Variants in WDR33 observed in about 807,000 individuals in gnomAD.
WDR33 encodes WD repeat domain 33.
WDR33 carries 47 observed loss-of-function variants against 164.9 expected under a neutral mutation model. That is an observed-to-expected ratio of 0.29 (90% confidence interval 0.23 to 0.36). The LOEUF (loss-of-function observed/expected upper bound fraction) is 0.36. WDR33 is among the 10% of genes least tolerant of loss of function. WDR33 has a pLI of 1.00. For synonymous variants in WDR33, 505 were observed against 589.0 expected (o/e 0.86, Z 2.06); for missense variants, 1,137 against 1,754.1 (o/e 0.65, Z 6.28).
At chr2:127,767,946 C>T (rs1345145821) in intron 4 of WDR33, among the ~76,000 whole-genome samples, 1 of 152,140 alleles carries the variant, frequency 6.6e-6, no homozygotes, top group Non-Finnish European at 1.5e-5. Context: ...ATGTATCCAT[C>T]TATTCAGAGA....
intron 7 of WDR33, among the ~76,000 whole-genome samples, chr2:127,759,918 G>A (rs1029977359): frequency 1.7e-4 from 26 of 152,052 alleles, no homozygotes; most frequent in African/African-American, 6.3e-4. Context: ...ATAGTATCAT[G>A]ACTTCTGTTA....
chr2:127,706,331 C>T lies in WDR33; in HGVS notation c.4003G>A (p.Gly1335Ser). The T allele has an allele frequency of 1.3e-6, 2 of 1,564,122 alleles. No individual in the cohort carries two copies. Among genetic ancestry groups the T allele is most frequent in the South Asian group, 1.2e-5 (1 of 81,864 alleles). The stretch of plus-strand genomic sequence containing the variant: ...GTACTCAGTTCCAGCTTCTACCGAC[C>T]CCTTCCACCACCCCGTGAAGCTCCT... ...RRGASRGGGR[G>S]R The change falls in exon 22 of 22, where the codon GGT (glycine) becomes AGT (serine). Residue 1335 changes from glycine (G) to serine (S), a missense_variant. Around this residue, in one of 9 missense-constraint regions of WDR33, gnomAD observed 867 missense variants for 1,073.0 expected, o/e 0.81. Coordinates refer to ENST00000322313, the MANE Select transcript of WDR33 (RefSeq NM_018383.5). This position sits in a 1 kb window ranked among gnomAD's most constrained non-coding sequence, Gnocchi z 5.1.
In WDR33 at chr2:127,708,989, C is replaced by A; in HGVS notation, c.3566-97G>T. Reference sequence around the variant, plus strand: ...GAGTAAGGAGCAACTCGAGAGCCACCGTTCACTCATGCTGAATGCCCGCCA... The same window carrying A: ...GAGTAAGGAGCAACTCGAGAGCCACAGTTCACTCATGCTGAATGCCCGCCA... On this transcript the variant is annotated intron_variant, in intron 20 of 21. Transcript: ENST00000322313. This position sits in a 1 kb window ranked among gnomAD's most constrained non-coding sequence, Gnocchi z 6.7. 7.7e-7 allele frequency: 1 copy of A among 1,304,162 alleles called. No individual in the cohort carries two copies. The highest frequency in any genetic ancestry group is 1.0e-6 in the Non-Finnish European group (1 of 987,934). 80.8% of individuals were successfully genotyped at this position (1,304,162 alleles called of 1,614,324 possible).
chr2:127,766,226 C>T (rs1687815814), intron 4 of WDR33, among the ~76,000 whole-genome samples: 1 of 152,044 alleles, frequency 6.6e-6, no homozygotes, highest in Non-Finnish European at 1.5e-5. Flanking sequence ...TGTAAATATA[C>T]AAAATGGCAA....
Position 127,702,371 on chromosome 2 carries a change from C to T in WDR33, c.*3952G>A, listed in dbSNP as rs1685915328. 4.9e-6 allele frequency: 2 copies of T among 404,478 alleles called. No homozygotes were observed. 25.1% of individuals were successfully genotyped at this position (404,478 alleles called of 1,614,324 possible). A position where few individuals can be genotyped will look rare whatever the true frequency, so the allele number is the denominator to read the frequency against. ...AGCGTTGGGAGCTCCTCGATGTCAG[C>T]TTTTTGTGCTGGACTTGGCACACGC... On this transcript the variant is annotated 3_prime_UTR_variant, in exon 22 of 22. Coordinates refer to ENST00000322313, the MANE Select transcript of WDR33 (RefSeq NM_018383.5).
At position 127,722,208 on chromosome 2, in the gene WDR33, C is replaced by A. The variant is rs1367319888; in HGVS notation, c.1519-220G>T. 6.6e-6 allele frequency among the ~76,000 whole-genome samples: 1 copy of A among 152,160 alleles called. No individual in the cohort carries two copies. The highest frequency in any genetic ancestry group is 1.5e-5 in the Non-Finnish European group (1 of 68,034). ...TGGTGATAAAAGCTGCAAGACACTGCATGTTATTAAGAATGCAAAGCTTGC... is the reference window on the plus strand; with the variant it reads ...TGGTGATAAAAGCTGCAAGACACTGAATGTTATTAAGAATGCAAAGCTTGC... On this transcript the variant is annotated intron_variant, in intron 14 of 21. Transcript: ENST00000322313. The surrounding 1 kb of genome is among the most constrained non-coding windows in gnomAD (Gnocchi z 5.1).
chr2:127,805,700 G>C (rs1689411283), intron 1 of WDR33, among the ~76,000 whole-genome samples: 1 of 152,024 alleles, frequency 6.6e-6, no homozygotes, highest in Non-Finnish European at 1.5e-5. Flanking sequence ...GCAGAAACAA[G>C]AAAAGGAACG....
intron 1 of WDR33, among the ~76,000 whole-genome samples, chr2:127,806,301 G>C (rs1374038676): frequency 6.7e-6 from 1 of 149,088 alleles, no homozygotes; most frequent in Non-Finnish European, 1.5e-5. Context: ...TCCACCTCCT[G>C]GGTTCAAGCG....
At chr2:127,715,525 A>G (rs1686279050) in intron 17 of WDR33, among the ~76,000 whole-genome samples, 1 of 152,024 alleles carries the variant, frequency 6.6e-6, no homozygotes, top group Non-Finnish European at 1.5e-5. Flanking sequence ...CGTCTGTCTC[A>G]TTTACTCGTC....
Position 127,717,219 on chromosome 2 carries a change from C to T in WDR33, c.2805G>A (p.Gly935=). ...GAATGCGACCTTGTGCTCCCTGCTG[C>T]CCTAGGCCTGGTATCAGGGGTGGGG... ...TGPPPLIPGL[G]QQGAQGRIPP... Residue 935 remains glycine, a synonymous_variant, in exon 17 of 22, where the codon GGG becomes GGA. Coordinates refer to ENST00000322313, the MANE Select transcript of WDR33 (RefSeq NM_018383.5). The surrounding 1 kb of genome is among the most constrained non-coding windows in gnomAD (Gnocchi z 5.6). The T allele has an allele frequency of 6.2e-7, 1 of 1,607,954 alleles. No homozygotes were observed. Among genetic ancestry groups the T allele is most frequent in the Non-Finnish European group, 8.5e-7 (1 of 1,177,330 alleles).
rs879794241 is a variant in WDR33, at chr2:127,705,228, T to A, written c.*1095A>T. The stretch of plus-strand genomic sequence containing the variant: ...CTTCCATGTAAAACCAAAATAAAGG[T>A]CAGTATAGAAAGTATCATGGGGTAT... On this transcript the variant is annotated 3_prime_UTR_variant, in exon 22 of 22. Coordinates refer to ENST00000322313, the MANE Select transcript of WDR33 (RefSeq NM_018383.5). This position sits in a 1 kb window ranked among gnomAD's most constrained non-coding sequence, Gnocchi z 4.5. 3 of 166,960 alleles carry A rather than the reference T, an allele frequency of 1.8e-5. No homozygotes were observed. The allele number at this position is 166,960 out of a possible 1,614,324, so 10.3% of individuals were successfully genotyped here.
Position 127,714,094 on chromosome 2 carries a change from T to G in WDR33, c.2870-73A>C. On this transcript the variant is annotated intron_variant, in intron 17 of 21. Transcript: ENST00000322313. This position sits in a 1 kb window ranked among gnomAD's most constrained non-coding sequence, Gnocchi z 4.3. ...CAACATAGGTCTGATCTGTAGCATCTCTACATTTCAGAATACATTCTTTAT... is the reference window on the plus strand; with the variant it reads ...CAACATAGGTCTGATCTGTAGCATCGCTACATTTCAGAATACATTCTTTAT... 7.2e-7 allele frequency: 1 copy of G among 1,383,618 alleles called. No individual in the cohort carries two copies. The highest frequency in any genetic ancestry group is 9.5e-7 in the Non-Finnish European group (1 of 1,051,044). The allele number at this position is 1,383,618 out of a possible 1,614,324, so 85.7% of individuals were successfully genotyped here. A position where few individuals can be genotyped will look rare whatever the true frequency, so the allele number is the denominator to read the frequency against.
intron 1 of WDR33, among the ~76,000 whole-genome samples, chr2:127,774,048 CTTTTTTTTTTT>C (rs776082351): frequency 9.0e-6 from 1 of 110,788 alleles, no homozygotes; most frequent in African/African-American, 3.6e-5. Context: ...GCCCAAAAGC[CTTTTTTTTTTT>C]TTTTTTTTTT....
intron 7 of WDR33, chr2:127,736,610 T>G (rs1686851576): frequency 2.0e-6 from 2 of 985,318 alleles, no homozygotes; most frequent in Admixed American, 1.2e-4. Flanking sequence ...TGTATTTACA[T>G]GGAAGACCAA....
Position 127,764,818 on chromosome 2 carries a change from G to A in WDR33, c.626+10C>T. The A allele has an allele frequency of 6.2e-7, 1 of 1,614,174 alleles. No homozygotes were observed. Among genetic ancestry groups the A allele is most frequent in the Non-Finnish European group, 8.5e-7 (1 of 1,180,038 alleles). The stretch of plus-strand genomic sequence containing the variant: ...TAGGGACTACAGAAAATGGTATATT[G>A]TGTATAAACCTGGCCTCTCTAATCG... On this transcript the variant is annotated intron_variant, in intron 6 of 21. Coordinates refer to ENST00000322313, the MANE Select transcript of WDR33 (RefSeq NM_018383.5). This position sits in a 1 kb window ranked among gnomAD's most constrained non-coding sequence, Gnocchi z 6.2.
chr2:127,713,877 G>A lies in WDR33; in HGVS notation c.3014C>T (p.Pro1005Leu). 2 of 1,614,224 alleles carry A rather than the reference G, an allele frequency of 1.2e-6. No individual in the cohort carries two copies. Among genetic ancestry groups the A allele is most frequent in the Non-Finnish European group, 1.7e-6 (2 of 1,180,036 alleles). Residue 1005 changes from proline to leucine, a missense_variant, in exon 18 of 22, where the codon CCT becomes CTT. Pro to Leu is a moderately conservative substitution (Grantham distance 98). Coordinates refer to ENST00000322313, the MANE Select transcript of WDR33 (RefSeq NM_018383.5). This position sits in a 1 kb window ranked among gnomAD's most constrained non-coding sequence, Gnocchi z 6.2. ...DCRGPPDRRG[P>L]HPDFPDDFSR... ...GAAGTCATCGGGGAAGTCTGGGTGA[G>A]GGCCACGCCTATCAGGGGGACCCCT...
chr2:127,726,561 A>T lies in WDR33; in HGVS notation c.851+90T>A. 1.3e-6 allele frequency: 2 copies of T among 1,519,168 alleles called. No homozygotes were observed. The highest frequency in any genetic ancestry group is 1.8e-6 in the Non-Finnish European group (2 of 1,130,636). 94.1% of individuals were successfully genotyped at this position (1,519,168 alleles called of 1,614,324 possible). ...TGTTGCCTAAATGACTCTTCCAGAA[A>T]TACATAAGAGAAAACAAAGCTAAAA... is the stretch of plus-strand genomic sequence containing the variant. On this transcript the variant is annotated intron_variant, in intron 8 of 21. Coordinates refer to ENST00000322313, the MANE Select transcript of WDR33 (RefSeq NM_018383.5). This position sits in a 1 kb window ranked among gnomAD's most constrained non-coding sequence, Gnocchi z 4.8.
chr2:127,783,152 T>G (rs1210482359), intron 1 of WDR33, among the ~76,000 whole-genome samples: 1 of 152,246 alleles, frequency 6.6e-6, no homozygotes, highest in African/African-American at 2.4e-5. Context: ...CCATGCATAC[T>G]AAGGGACTAC....
chr2:127,788,531 C>G (rs1688705421), intron 1 of WDR33, among the ~76,000 whole-genome samples: 1 of 123,750 alleles, frequency 8.1e-6, no homozygotes, highest in African/African-American at 3.4e-5. Flanking sequence ...GGCTGACCCC[C>G]CCATCTCCCT....
Sources: allele counts gnomAD v4.1 joint callset (sites outside exome capture counted in the v4.1 genomes callset), GRCh38; gene constraint gnomAD v4.1.1; regional missense constraint gnomAD v4.1.1; non-coding constraint Gnocchi (gnomAD v3.1); transcripts MANE v1.5; gene names NCBI Gene and HGNC (gene_info 2026-07-23, HGNC 2026-07-21).